Variants in KRT85 observed in about 807,000 individuals in gnomAD.
KRT85 encodes keratin 85.
KRT85 carries 39 observed loss-of-function variants against 53.7 expected under a neutral mutation model. The ratio of observed to expected loss-of-function variants is 0.73; its 90% CI spans 0.56 to 0.95. The LOEUF (loss-of-function observed/expected upper bound fraction) is 0.95, where lower values mean the gene tolerates loss of function less well. Ranked by LOEUF, KRT85 falls within the 40% of genes least tolerant of loss-of-function variation. The pLI, the probability that KRT85 is intolerant of heterozygous loss-of-function variation, is 0.00. For synonymous variants in KRT85, 291 were observed against 277.5 expected (o/e 1.05, Z -0.48); for missense variants, 668 against 686.0 (o/e 0.97, Z 0.29).
rs768402531 is a variant in KRT85 at position 52,367,019 on chromosome 12, G to A, written c.387C>T (p.Ser129=). 5 of 1,613,822 alleles carry A rather than the reference G, an allele frequency of 3.1e-6. No individual in the cohort carries two copies. The Admixed American group carries it at 8.3e-5, about 27-fold the overall frequency. ...TGAAGGCCGCGAACCTGCTGTTGAG[G>A]GACTTGATCTGCTCCTTCTCCTCCT... ...VKQEEKEQIK[S]LNSRFAAFID... The change falls in exon 1 of 9, where the codon TCC becomes TCT. Residue 129 remains serine, a synonymous_variant. Transcript: ENST00000257901.
intron 8 of KRT85, among the ~76,000 whole-genome samples, 170 bp downstream of exon 8, chr12:52,361,297 G>A (rs1041355679): frequency 3.3e-5 from 5 of 152,370 alleles, no homozygotes; most frequent in Middle Eastern, 3.4e-3. Context: ...CAACACTTGC[G>A]AAGAGCACTC....
rs149560920 is a variant in KRT85 at position 52,365,042 on chromosome 12, G to C, written c.549C>G (p.Ala183=). The change falls in exon 2 of 9, where the codon GCC becomes GCG. Residue 183 remains alanine (A), a synonymous_variant. Transcript: ENST00000257901. ...SGYIETLRRE[A]ECVEADSGRL... ...TCCCGCTGTCGGCCTCCACGCACTC[G>C]GCCTCCCGCCGCAGAGTCTCGATGT... 6.2e-7 allele frequency: 1 copy of C among 1,613,480 alleles called. No individual in the cohort carries two copies. Among genetic ancestry groups the C allele is most frequent in the Non-Finnish European group, 8.5e-7 (1 of 1,180,034 alleles).
Position 52,367,133 on chromosome 12 carries a change from G to C in KRT85, c.273C>G (p.Ser91Arg). ...GYRSGGVCGP[S>R]PPCITTVSVN... The stretch of plus-strand genomic sequence containing the variant: ...CCGACACGGTAGTGATGCATGGGGG[G>C]CTGGGTCCGCACACGCCCCCGGAGC... Residue 91 changes from serine (S) to arginine (R), a missense_variant, in exon 1 of 9, where the codon AGC (serine) becomes AGG (arginine). Ser to Arg is a moderately radical substitution (Grantham distance 110). Coordinates refer to ENST00000257901, the MANE Select transcript of KRT85 (RefSeq NM_002283.4). 6.2e-7 allele frequency: 1 copy of C among 1,613,412 alleles called. No homozygotes were observed. Among genetic ancestry groups the C allele is most frequent in the Non-Finnish European group, 8.5e-7 (1 of 1,180,006 alleles).
rs1939181753 is a variant in KRT85 at position 52,360,959 on chromosome 12, G to C, written c.1418C>G (p.Ala473Gly). 2 of 1,613,354 alleles carry C rather than the reference G, an allele frequency of 1.2e-6. No individual in the cohort carries two copies. The highest frequency in any genetic ancestry group is 2.2e-5 in the South Asian group (2 of 91,044). ...CACCACCGTGATGCTGCCGCCTATG[G>C]CTGAGGGGCCAGAAGTGATCTGGCG... is the stretch of plus-strand genomic sequence containing the variant. The part of the protein sequence containing the change: ...PGRQITSGPS[A>G]IGGSITVVAP... Residue 473 changes from alanine (A) to glycine (G), a missense_variant, in exon 9 of 9, where the codon GCC (alanine) becomes GGC (glycine). Ala to Gly is a moderately conservative substitution (Grantham distance 60). Transcript: ENST00000257901.
rs369889367 is a variant in KRT85, at chr12:52,364,053, C to A, written c.786+15G>T. 13 of 1,605,960 alleles carry A rather than the reference C, an allele frequency of 8.1e-6. No individual in the cohort carries two copies. The highest frequency in any genetic ancestry group is 2.0e-4 in the Middle Eastern group (1 of 5,112). On this transcript the variant is annotated intron_variant, in intron 4 of 8. Coordinates refer to ENST00000257901, the MANE Select transcript of KRT85 (RefSeq NM_002283.4). ...CCCTCCACCTGCCCTGGCTGGGTGG[C>A]AGTTGCCCCCTTACCTCTTCATAGA...
chr12:52,361,300 G>C (rs1484082662), intron 8 of KRT85, among the ~76,000 whole-genome samples, 167 bp downstream of exon 8: 1 of 152,244 alleles, frequency 6.6e-6, no homozygotes, highest in African/African-American at 2.4e-5. Flanking sequence ...CACTTGCGAA[G>C]AGCACTCAGC....
At position 52,367,414 on chromosome 12, in the gene KRT85, G is replaced by T; in HGVS notation, c.-9C>A. 1 of 1,613,902 alleles carries T rather than the reference G, an allele frequency of 6.2e-7. No homozygotes were observed. Among genetic ancestry groups the T allele is most frequent in the Non-Finnish European group, 8.5e-7 (1 of 1,179,972 alleles). On this transcript the variant is annotated 5_prime_UTR_variant, in exon 1 of 9. Transcript: ENST00000257901. The stretch of plus-strand genomic sequence containing the variant: ...TAGGAGCGGCACGACATCGTGTGAG[G>T]CTGAGCAGAGTCTGAGAGGCAGCGG...
At chr12:52,364,418 C>T in intron 2 of KRT85, 52 bp from the exon 3 acceptor site, 1 of 1,614,064 alleles carries the variant, frequency 6.2e-7, no homozygotes, top group Non-Finnish European at 8.5e-7. Flanking sequence ...CCTTGAATAC[C>T]ATCCCAACTC....
chr12:52,361,537 G>T (rs758491830), intron 7 of KRT85, 39 bp from the exon 8 acceptor site: 2 of 1,599,690 alleles, frequency 1.3e-6, no homozygotes, highest in Admixed American at 3.3e-5. Context: ...CAGACACTGA[G>T]TTGGATTCCT....
In KRT85 at chr12:52,364,092, GCTAGA is replaced by G; in HGVS notation, c.757_761del (p.Ser253LeufsTer7). 1.2e-6 allele frequency: 2 copies of G among 1,613,984 alleles called. No individual in the cohort carries two copies. The highest frequency in any genetic ancestry group is 1.7e-6 in the Non-Finnish European group (2 of 1,180,008). On this transcript the variant is annotated frameshift_variant, in exon 4 of 9. Transcript: ENST00000257901. LOFTEE classifies it high-confidence loss of function. Reference sequence around the variant, plus strand: ...CCTCTTCATAGAGGCGCCTCAGGAAGCTAGACTCCTCCACCAGGGCCTCCACATTG... The same window carrying G: ...CCTCTTCATAGAGGCGCCTCAGGAAGCTCCTCCACCAGGGCCTCCACATTG...
rs1425444922 is a variant in KRT85, at chr12:52,366,896, G to A, written c.420+90C>T. The A allele has an allele frequency of 2.5e-6, 4 of 1,607,112 alleles. No homozygotes were observed. The African/African-American group carries it at 4.0e-5, about 16-fold the overall frequency. On this transcript the variant is annotated intron_variant, in intron 1 of 8. Transcript: ENST00000257901. ...GTCATTCCCTCTGCTGCCTCAAACC[G>A]GCAGCCATCCTGTCTCCTCAGCAGA...
Position 52,364,995 on chromosome 12 carries a change from T to C in KRT85, c.596A>G (p.His199Arg). Residue 199 changes from histidine (H) to arginine (R), a missense_variant, in exon 2 of 9, where the codon CAT becomes CGT. Physicochemically the swap from His to Arg is conservative, Grantham distance 29. Transcript: ENST00000257901. ...GTAGCCCTCCAGCACCTCCTGCACA[T>C]GGTTGAGCTCTGAGGCCAGCCTCCC... Reference protein sequence around the residue: ...DSGRLASELNHVQEVLEGYKK... With the variant: ...DSGRLASELNRVQEVLEGYKK... 3 of 1,612,958 alleles carry C rather than the reference T, an allele frequency of 1.9e-6. No homozygotes were observed. Among genetic ancestry groups the C allele is most frequent in the East Asian group, 2.2e-5 (1 of 44,874 alleles).
At position 52,363,324 on chromosome 12, in the gene KRT85, G is replaced by A. The variant is rs1467365915; in HGVS notation, c.873C>T (p.Ile291=). Reference sequence around the variant, plus strand: ...CATACTGAGCCTTGATCTCAGCGATGATGCAGTCCATGTTCAGGTCTCGGC... The same window carrying A: ...CATACTGAGCCTTGATCTCAGCGATAATGCAGTCCATGTTCAGGTCTCGGC... ...DNSRDLNMDC[I]IAEIKAQYDD... Residue 291 remains isoleucine, a synonymous_variant, in exon 5 of 9, where the codon ATC becomes ATT. Transcript: ENST00000257901. The A allele has an allele frequency of 6.2e-7, 1 of 1,614,188 alleles. No individual in the cohort carries two copies. The highest frequency in any genetic ancestry group is 1.7e-5 in the Admixed American group (1 of 60,030).
At chr12:52,361,603 C>G in intron 7 of KRT85, 105 bp from the exon 8 acceptor site, 4 of 1,046,176 alleles carry the variant, frequency 3.8e-6, no homozygotes, top group Non-Finnish European at 6.0e-6. Context: ...AGAGTCTACC[C>G]CTGAAAGGCA....
At chr12:52,361,571 CAG>C in intron 7 of KRT85, 73 bp from the exon 8 acceptor site, 1 of 1,372,618 alleles carries the variant, frequency 7.3e-7, no homozygotes, top group Non-Finnish European at 1.0e-6. Flanking sequence ...TGCTTGGGGA[CAG>C]AGAGGGTCAT....
In KRT85 at chr12:52,360,899, G is replaced by T. The variant is rs1298268427; in HGVS notation, c.1478C>A (p.Ser493Tyr). 6.2e-7 allele frequency: 1 copy of T among 1,612,500 alleles called. No homozygotes were observed. ...GCTACTCCCGCAGCTGAAGCTGGAG[G>T]AACGAGGCTGGCAGGGGGCACAGGA... Reference protein sequence around the residue: ...PDSCAPCQPRSSSFSCGSSRS... With the variant: ...PDSCAPCQPRYSSFSCGSSRS... The change falls in exon 9 of 9, where the codon TCC becomes TAC. Residue 493 changes from serine to tyrosine, a missense_variant. Around this residue, in one of 3 missense-constraint regions of KRT85, gnomAD observed 488 missense variants for 498.1 expected, o/e 0.98. Transcript: ENST00000257901.
At chr12:52,363,989 A>C in intron 4 of KRT85, 79 bp downstream of exon 4, 1 of 1,080,884 alleles carries the variant, frequency 9.3e-7, no homozygotes. Flanking sequence ...AGGCACACAC[A>C]TGCACCCTTG....
In KRT85 at chr12:52,367,400, C is replaced by G. The variant is rs1400576398; in HGVS notation, c.6G>C (p.Ser2=). The G allele has an allele frequency of 1.2e-6, 2 of 1,614,004 alleles. No individual in the cohort carries two copies. Among genetic ancestry groups the G allele is most frequent in the Non-Finnish European group, 1.7e-6 (2 of 1,180,018 alleles). The change falls in exon 1 of 9, where the codon TCG becomes TCC. Residue 2 remains serine (S), a synonymous_variant. Transcript: ENST00000257901. ...CTGAGCTGATCCTGTAGGAGCGGCA[C>G]GACATCGTGTGAGGCTGAGCAGAGT... M[S]CRSYRISSGC...
At position 52,365,042 on chromosome 12, in the gene KRT85, G is replaced by A. The variant is rs149560920; in HGVS notation, c.549C>T (p.Ala183=). The stretch of plus-strand genomic sequence containing the variant: ...TCCCGCTGTCGGCCTCCACGCACTC[G>A]GCCTCCCGCCGCAGAGTCTCGATGT... The part of the protein sequence containing the change: ...SGYIETLRRE[A]ECVEADSGRL... Residue 183 remains alanine (A), a synonymous_variant, in exon 2 of 9, where the codon GCC becomes GCT. Coordinates refer to ENST00000257901, the MANE Select transcript of KRT85 (RefSeq NM_002283.4). 1.7e-4 allele frequency: 269 copies of A among 1,613,480 alleles called. No homozygotes were observed. Among genetic ancestry groups the A allele is most frequent in the Admixed American group, 7.7e-4 (46 of 60,026 alleles).
Sources: gnomAD v4.1 joint callset for allele counts (sites outside exome capture counted in the v4.1 genomes callset) on GRCh38, gnomAD v4.1.1 for gene constraint, gnomAD v4.1.1 regional missense constraint, MANE v1.5 for transcripts, NCBI Gene and HGNC (gene_info 2026-07-23, HGNC 2026-07-21) for gene names.